EEIG1: variants seen among roughly 807,000 people sequenced by gnomAD.
EEIG1 encodes early estrogen-induced gene 1 protein.
chr9:127,951,096 T>C, the EEIG1 span, among the ~76,000 whole-genome samples: 1 of 151,932 alleles, frequency 6.6e-6, no homozygotes, highest in Non-Finnish European at 1.5e-5. Context: ...GGACAGAGGA[T>C]CGAGGGATGG....
chr9:127,977,645 G>A, the EEIG1 span, among the ~76,000 whole-genome samples: 3 of 152,326 alleles, frequency 2.0e-5, no homozygotes, highest in Admixed American at 1.3e-4. Context: ...GTGTGCCTGG[G>A]CGAGACATAA....
chr9:127,975,138 G>A, the EEIG1 span, among the ~76,000 whole-genome samples: 1 of 152,216 alleles, frequency 6.6e-6, no homozygotes, highest in Non-Finnish European at 1.5e-5. Context: ...ACAAGTGTGT[G>A]GAGTGTGAGG....
At chr9:127,949,550 T>G in the EEIG1 span, among the ~76,000 whole-genome samples, 1 of 152,144 alleles carries the variant, frequency 6.6e-6, no homozygotes, top group East Asian at 1.9e-4. Flanking sequence ...AGGGCTACTG[T>G]GCCTGTGCTT....
the EEIG1 span, chr9:127,948,534 G>A: frequency 1.0e-6 from 1 of 972,626 alleles, no homozygotes; most frequent in South Asian, 1.4e-5. Context: ...CTGTCTCTCT[G>A]CCCCCTCCTG....
chr9:127,956,619 C>T, the EEIG1 span, among the ~76,000 whole-genome samples: 292 of 152,226 alleles, frequency 1.9e-3, no homozygotes, highest in African/African-American at 6.3e-3. Flanking sequence ...CTGTGTTGGC[C>T]GGGCTGGTCT....
chr9:127,955,690 A>G, the EEIG1 span, among the ~76,000 whole-genome samples: 1 of 152,230 alleles, frequency 6.6e-6, no homozygotes, highest in Non-Finnish European at 1.5e-5. Flanking sequence ...TGGAGGAGAC[A>G]GTTCCAAAGA....
chr9:127,959,088 G>A, the EEIG1 span, among the ~76,000 whole-genome samples: 1 of 152,226 alleles, frequency 6.6e-6, no homozygotes, highest in Non-Finnish European at 1.5e-5. Flanking sequence ...TTGGAAAACA[G>A]TATGGCAATT....
chr9:127,952,847 G>T, the EEIG1 span, among the ~76,000 whole-genome samples: 1 of 152,164 alleles, frequency 6.6e-6, no homozygotes, highest in Non-Finnish European at 1.5e-5. Context: ...CCGAGTAGCT[G>T]GGATTACAGG....
chr9:127,975,483 C>A, the EEIG1 span, among the ~76,000 whole-genome samples: 6 of 152,094 alleles, frequency 3.9e-5, no homozygotes, highest in Non-Finnish European at 8.8e-5. Flanking sequence ...ACCCCCTCCC[C>A]GTTCTGGCCC....
the EEIG1 span, among the ~76,000 whole-genome samples, chr9:127,951,098 G>A: frequency 4.1e-4 from 63 of 152,304 alleles, 2 homozygotes; most frequent in East Asian, 0.012. Flanking sequence ...ACAGAGGATC[G>A]AGGGATGGGG....
the EEIG1 span, chr9:127,943,560 G>A: frequency 2.7e-6 from 1 of 371,428 alleles, no homozygotes; most frequent in African/African-American, 2.1e-5. Context: ...GGGATGTGAG[G>A]GTGACCAAGA....
the EEIG1 span, among the ~76,000 whole-genome samples, chr9:127,979,121 G>C: frequency 6.6e-6 from 1 of 152,324 alleles, no homozygotes; most frequent in South Asian, 2.1e-4. Flanking sequence ...AAAGTGCTGG[G>C]ATTACAGGAG....
the EEIG1 span, among the ~76,000 whole-genome samples, chr9:127,960,093 G>A: frequency 6.6e-6 from 1 of 152,238 alleles, no homozygotes; most frequent in South Asian, 2.1e-4. Context: ...CAGGGAAGGT[G>A]TGTGGGGAGT....
the EEIG1 span, chr9:127,980,317 C>G: frequency 1.7e-6 from 1 of 588,680 alleles, no homozygotes; most frequent in Admixed American, 3.3e-5. Context: ...CAGTCCAGTT[C>G]GCGGGCCGGC....
the EEIG1 span, among the ~76,000 whole-genome samples, chr9:127,977,808 A>G: frequency 2.6e-5 from 4 of 152,176 alleles, no homozygotes; most frequent in African/African-American, 9.7e-5. Flanking sequence ...CCACCTCTCT[A>G]ACATGGGGAT....
At chr9:127,952,010 A>G in the EEIG1 span, among the ~76,000 whole-genome samples, 5 of 152,198 alleles carry the variant, frequency 3.3e-5, no homozygotes, top group African/African-American at 1.2e-4. Flanking sequence ...GTTCAATTAC[A>G]GAACAGAAGG....
At chr9:127,969,189 C>A in the EEIG1 span, among the ~76,000 whole-genome samples, 1 of 152,182 alleles carries the variant, frequency 6.6e-6, no homozygotes. Flanking sequence ...GGCGGAGTGG[C>A]AATTCTCCCC....
the EEIG1 span, among the ~76,000 whole-genome samples, chr9:127,965,634 C>G: frequency 7.0e-3 from 1,065 of 152,350 alleles, 9 homozygotes; most frequent in Middle Eastern, 0.024. Context: ...GGCCTGGTTC[C>G]TGGAGGAGTG....
the EEIG1 span, among the ~76,000 whole-genome samples, chr9:127,956,144 G>A: frequency 6.6e-6 from 1 of 152,156 alleles, no homozygotes; most frequent in African/African-American, 2.4e-5. Context: ...CTAGGCTGGG[G>A]GCATCACTTG....
Sources: gnomAD v4.1 joint callset for allele counts (sites outside exome capture counted in the v4.1 genomes callset) on GRCh38, gnomAD v4.1.1 for gene constraint, MANE v1.5 for transcripts, NCBI Gene and HGNC (gene_info 2026-07-23, HGNC 2026-07-21) for gene names.